CAPZB: variants seen among roughly 807,000 people sequenced by gnomAD.
The protein encoded by CAPZB is capping actin protein of muscle Z-line subunit beta.
A neutral mutation model predicts 38.1 loss-of-function variants in CAPZB; 2 were observed. The observed-to-expected ratio is 0.05, with a 90% CI of 0.02 to 0.17. CAPZB has a LOEUF of 0.17. CAPZB is among the 10% of genes least tolerant of loss of function. CAPZB has a pLI of 1.00. For missense variants in CAPZB, 161 were observed against 334.2 expected (o/e 0.48, Z 4.04); for synonymous variants, 107 against 127.4 (o/e 0.84, Z 1.08).
intron 4 of CAPZB, among the ~76,000 whole-genome samples, chr1:19,367,291 G>A (rs907020638): frequency 6.6e-5 from 10 of 152,324 alleles, no homozygotes; most frequent in East Asian, 1.9e-4. Flanking sequence ...AAAAATGAAC[G>A]GGCAAGCACT....
chr1:19,413,376 C>T (rs1187108340), intron 2 of CAPZB, among the ~76,000 whole-genome samples: 1 of 152,232 alleles, frequency 6.6e-6, no homozygotes. Flanking sequence ...TTCTCTCACC[C>T]AAACTGGAGT....
At chr1:19,382,869 G>A (rs1350110853) in intron 3 of CAPZB, among the ~76,000 whole-genome samples, 4 of 152,162 alleles carry the variant, frequency 2.6e-5, no homozygotes, top group African/African-American at 9.7e-5. Flanking sequence ...TCCAGGAAGC[G>A]TTCCCTGAAC....
At position 19,447,058 on chromosome 1, in the gene CAPZB, A is replaced by C. The variant is rs1055652422; in HGVS notation, c.4-27308T>G. Among the ~76,000 whole-genome samples the C allele has an allele frequency of 2.0e-5, 3 of 152,264 alleles. No individual in the cohort carries two copies. The South Asian group carries it at 6.2e-4, about 32-fold the overall frequency. On this transcript the variant is annotated intron_variant, in intron 1 of 8. Transcript: ENST00000264202. ...TCTCAAATTACCACCCCACTGCCCA[A>C]AAAATGACACCTGCCACACTCAAGA... is the stretch of plus-strand genomic sequence containing the variant.
intron 2 of CAPZB, among the ~76,000 whole-genome samples, chr1:19,411,941 CCAGGATGGG>C: frequency 6.6e-6 from 1 of 152,316 alleles, no homozygotes; most frequent in South Asian, 2.1e-4. Context: ...TCCGGAGAGG[CCAGGATGGG>C]CAGGAAACGC....
At position 19,485,519 on chromosome 1, in the gene CAPZB, C is replaced by G; in HGVS notation, c.-81G>C. The G allele has an allele frequency of 8.5e-7, 1 of 1,175,712 alleles. No individual in the cohort carries two copies. The highest frequency in any genetic ancestry group is 1.1e-6 in the Non-Finnish European group (1 of 938,340). 72.8% of individuals were successfully genotyped at this position (1,175,712 alleles called of 1,614,324 possible). The stretch of plus-strand genomic sequence containing the variant: ...GCAGGGCCCGGCGCTTCCACTTCCC[C>G]GGGTGCCCAGGAGTGAACATCCGGG... On this transcript the variant is annotated 5_prime_UTR_variant, in exon 1 of 9. Transcript: ENST00000264202.
chr1:19,387,801 G>A (rs2094211938), intron 2 of CAPZB, among the ~76,000 whole-genome samples: 1 of 152,186 alleles, frequency 6.6e-6, no homozygotes, highest in Non-Finnish European at 1.5e-5. Flanking sequence ...GGGTGCCCAT[G>A]CCCATGTGAT....
At chr1:19,461,713 C>T (rs991478896) in intron 1 of CAPZB, among the ~76,000 whole-genome samples, 1 of 152,186 alleles carries the variant, frequency 6.6e-6, no homozygotes, top group Admixed American at 6.5e-5. Flanking sequence ...TGCATAAATA[C>T]TTAACTGAAG....
chr1:19,383,533 C>T (rs2094187432), intron 3 of CAPZB, among the ~76,000 whole-genome samples: 1 of 151,998 alleles, frequency 6.6e-6, no homozygotes, highest in South Asian at 2.1e-4. Flanking sequence ...CACTGCACTA[C>T]AGCCTGGGCG....
chr1:19,345,138 T>C lies in CAPZB; in HGVS notation c.654+49A>G, dbSNP rs779540120. On this transcript the variant is annotated intron_variant, in intron 7 of 8. Coordinates refer to ENST00000264202, the MANE Select transcript of CAPZB (RefSeq NM_004930.5). ...GCACAGCGGCTCCGGGGCTGCAGTG[T>C]CACTGCTGTGGGTCACTGCAGGAGC... The C allele has an allele frequency of 2.5e-5, 35 of 1,403,306 alleles. No individual in the cohort carries two copies. The South Asian group carries it at 3.3e-4, about 13-fold the overall frequency. The allele number at this position is 1,403,306 out of a possible 1,614,324, so 86.9% of individuals were successfully genotyped here.
intron 2 of CAPZB, among the ~76,000 whole-genome samples, chr1:19,398,731 C>T (rs565942887): frequency 6.6e-6 from 1 of 152,180 alleles, no homozygotes; most frequent in Non-Finnish European, 1.5e-5. Context: ...CAGGGGGCCA[C>T]ATCTGAGCTG....
At chr1:19,449,390 C>T (rs908404215) in intron 1 of CAPZB, 105 of 976,954 alleles carry the variant, frequency 1.1e-4, no homozygotes, top group Non-Finnish European at 3.2e-5. Context: ...CATCCACTAG[C>T]ATCCTTAAGG....
intron 2 of CAPZB, among the ~76,000 whole-genome samples, chr1:19,409,383 C>T (rs1198978070): frequency 6.6e-6 from 1 of 152,082 alleles, no homozygotes; most frequent in Non-Finnish European, 1.5e-5. Context: ...AAGGAACAGT[C>T]ATCCATGAAG....
At chr1:19,393,168 C>T (rs757247467) in intron 2 of CAPZB, among the ~76,000 whole-genome samples, 87 of 152,218 alleles carry the variant, frequency 5.7e-4, no homozygotes, top group Admixed American at 5.2e-4. Context: ...CTGGAGCTTC[C>T]GACCCATTTT....
At chr1:19,444,804 G>A (rs529486816) in intron 1 of CAPZB, among the ~76,000 whole-genome samples, 13 of 152,198 alleles carry the variant, frequency 8.5e-5, no homozygotes, top group African/African-American at 2.2e-4. Context: ...GTGAAGTGGC[G>A]CAATCCTGGC....
At chr1:19,419,451 G>C (rs1394178227) in intron 2 of CAPZB, among the ~76,000 whole-genome samples, 1 of 152,118 alleles carries the variant, frequency 6.6e-6, no homozygotes, top group African/African-American at 2.4e-5. Context: ...CTCCTAACTT[G>C]GGCTTCAACA....
In CAPZB at chr1:19,346,452, TAA is replaced by T. The variant is rs200968507; in HGVS notation, c.589-1202_589-1201del. Among the ~76,000 whole-genome samples the T allele has an allele frequency of 9.2e-3, 673 of 73,186 alleles. 3 individuals carry two copies. The highest frequency in any genetic ancestry group is 0.04 in the African/African-American group (648 of 16,330). The allele number at this position is 73,186 out of a possible 152,430, so 48.0% of individuals were successfully genotyped here. A position where few individuals can be genotyped will look rare whatever the true frequency, so the allele number is the denominator to read the frequency against. On this transcript the variant is annotated intron_variant, in intron 6 of 8. Transcript: ENST00000264202. ...ATAAAATAAAATTTGTGAGAGAAGC[TAA>T]AAAAAAAAAAAAAAAAAAAAAAAAG...
In CAPZB at chr1:19,375,350, G is replaced by A. The variant is rs566171851; in HGVS notation, c.329+3190C>T. Among the ~76,000 whole-genome samples, 7 of 152,286 alleles carry A rather than the reference G, an allele frequency of 4.6e-5. No homozygotes were observed. In the South Asian group the frequency reaches 6.2e-4, roughly 14 times the overall value. On this transcript the variant is annotated intron_variant, in intron 4 of 8. Transcript: ENST00000264202. ...TCAAAATTCATGCCTCTGGTATCCC[G>A]GATGGCAGCTCCAACTGCTGTCCCT... is the stretch of plus-strand genomic sequence containing the variant.
chr1:19,350,809 G>A (rs1316994144), intron 6 of CAPZB, among the ~76,000 whole-genome samples: 4 of 152,038 alleles, frequency 2.6e-5, no homozygotes. Context: ...AGAGAGATGG[G>A]GTCTTACTTT....
At chr1:19,422,308 A>G (rs1225332945) in intron 1 of CAPZB, among the ~76,000 whole-genome samples, 4 of 152,166 alleles carry the variant, frequency 2.6e-5, no homozygotes, top group Non-Finnish European at 5.9e-5. Flanking sequence ...CAGCCTCCCC[A>G]CAACAAAGAA....
Sources: allele counts gnomAD v4.1 joint callset (sites outside exome capture counted in the v4.1 genomes callset), GRCh38; gene constraint gnomAD v4.1.1; transcripts MANE v1.5; gene names NCBI Gene and HGNC (gene_info 2026-07-23, HGNC 2026-07-21).